The following SGCD variants were observed in gnomAD, a reference collection of about 807,000 sequenced individuals.
The protein encoded by SGCD is delta-sarcoglycan.
Under a neutral mutation model 36.6 loss-of-function variants are expected in SGCD, and 18 were observed. The observed-to-expected ratio is 0.49, with a 90% CI of 0.34 to 0.73. SGCD has a LOEUF of 0.73. Ranked by LOEUF, SGCD falls within the 30% of genes least tolerant of loss-of-function variation. The pLI, the probability that SGCD is intolerant of heterozygous loss-of-function variation, is 0.01. For synonymous variants in SGCD, 133 were observed against 130.6 expected (o/e 1.02, Z -0.12); for missense variants, 387 against 346.7 (o/e 1.12, Z -0.92).
At chr5:156,450,409 A>G (rs1753955036) in intron 3 of SGCD, among the ~76,000 whole-genome samples, 1 of 152,126 alleles carries the variant, frequency 6.6e-6, no homozygotes, top group African/African-American at 2.4e-5. Context: ...TGCCAAAGGC[A>G]GGAATTTGGT....
At chr5:156,076,140 T>A (rs568143148) in intron 1 of SGCD, among the ~76,000 whole-genome samples, 1 of 152,080 alleles carries the variant, frequency 6.6e-6, no homozygotes, top group Non-Finnish European at 1.5e-5. Context: ...TGATGAAAAC[T>A]CTTGAGAAAT....
At chr5:156,386,508 A>C (rs1771284917) in intron 3 of SGCD, among the ~76,000 whole-genome samples, 1 of 152,274 alleles carries the variant, frequency 6.6e-6, no homozygotes, top group South Asian at 2.1e-4. Context: ...CTGAGTTTGC[A>C]ACTTTTAAAA....
intron 3 of SGCD, among the ~76,000 whole-genome samples, chr5:156,130,399 A>G (rs865966319): frequency 2.6e-5 from 4 of 152,280 alleles, no homozygotes; most frequent in Middle Eastern, 3.4e-3. Flanking sequence ...TGTCATATGC[A>G]TAGTTTGCAG....
At chr5:156,741,695 C>T (rs1424012186) in intron 7 of SGCD, among the ~76,000 whole-genome samples, 1 of 152,104 alleles carries the variant, frequency 6.6e-6, no homozygotes, top group Non-Finnish European at 1.5e-5. Context: ...AGGGCTTTGC[C>T]TCGTGTCTAA....
chr5:155,888,735 C>G (rs917723279), intron 1 of SGCD, among the ~76,000 whole-genome samples: 4 of 152,192 alleles, frequency 2.6e-5, no homozygotes, highest in Non-Finnish European at 4.4e-5. Flanking sequence ...AAAGGCATCT[C>G]TTGAATGAGC....
At chr5:155,968,306 G>A (rs1447833401) in intron 1 of SGCD, among the ~76,000 whole-genome samples, 2 of 152,050 alleles carry the variant, frequency 1.3e-5, no homozygotes, top group Non-Finnish European at 2.9e-5. Context: ...TGGCACGTGG[G>A]TGCTTTTGGA....
At chr5:156,245,136 C>T (rs1161832992) in intron 3 of SGCD, among the ~76,000 whole-genome samples, 1 of 152,028 alleles carries the variant, frequency 6.6e-6, no homozygotes, top group East Asian at 1.9e-4. Flanking sequence ...TTTTAAATTA[C>T]AGAAAAAAGG....
intron 7 of SGCD, among the ~76,000 whole-genome samples, chr5:156,753,030 C>T (rs190123527): frequency 6.6e-6 from 1 of 152,254 alleles, no homozygotes; most frequent in Non-Finnish European, 1.5e-5. Context: ...AGCCGTGCTT[C>T]TCAAAGTGTG....
chr5:156,227,715 C>A (rs942553100), intron 3 of SGCD, among the ~76,000 whole-genome samples: 1 of 151,882 alleles, frequency 6.6e-6, no homozygotes, highest in Admixed American at 6.6e-5. Flanking sequence ...TTCTCTAGTT[C>A]CTTGAGGTGC....
intron 3 of SGCD, among the ~76,000 whole-genome samples, chr5:156,233,414 C>T (rs970501908): frequency 5.3e-5 from 8 of 152,186 alleles, no homozygotes; most frequent in Non-Finnish European, 1.0e-4. Context: ...CTTACTTTGA[C>T]TAAATCTGTT....
chr5:156,514,966 G>T (rs1327268266), intron 4 of SGCD, among the ~76,000 whole-genome samples: 1 of 152,152 alleles, frequency 6.6e-6, no homozygotes, highest in Non-Finnish European at 1.5e-5. Context: ...TGATAATGAT[G>T]ATGATTTTCA....
chr5:156,215,079 G>A (rs570488673), intron 3 of SGCD, among the ~76,000 whole-genome samples: 41 of 152,136 alleles, frequency 2.7e-4, no homozygotes, highest in African/African-American at 9.1e-4. Context: ...ATGCTCAAAG[G>A]AAATGCTCAT....
chr5:156,429,114 G>A (rs1297708663), intron 3 of SGCD, among the ~76,000 whole-genome samples: 4 of 151,696 alleles, frequency 2.6e-5, no homozygotes, highest in African/African-American at 9.7e-5. Context: ...GTCCCCCAGT[G>A]TTATTATGTT....
chr5:156,260,134 A>G (rs1270687148), intron 3 of SGCD, among the ~76,000 whole-genome samples: 1 of 152,182 alleles, frequency 6.6e-6, no homozygotes, highest in Non-Finnish European at 1.5e-5. Context: ...TATGAATATC[A>G]TGTGGTCTTG....
At chr5:155,910,867 T>G (rs1186894744) in intron 1 of SGCD, among the ~76,000 whole-genome samples, 1 of 152,180 alleles carries the variant, frequency 6.6e-6, no homozygotes, top group Admixed American at 6.6e-5. Flanking sequence ...AATTGCTTTA[T>G]AATCAGCTGC....
At chr5:156,296,942 A>G (rs1017100528) in intron 3 of SGCD, among the ~76,000 whole-genome samples, 1 of 151,976 alleles carries the variant, frequency 6.6e-6, no homozygotes, top group Non-Finnish European at 1.5e-5. Context: ...GCACATATAT[A>G]CACACACATA....
intron 1 of SGCD, among the ~76,000 whole-genome samples, chr5:156,061,755 A>C: frequency 6.9e-6 from 1 of 145,476 alleles, no homozygotes; most frequent in Admixed American, 6.9e-5. Flanking sequence ...ACCCAAAGGC[A>C]ACAAATATCT....
intron 3 of SGCD, among the ~76,000 whole-genome samples, chr5:156,368,467 A>G (rs72798935): frequency 0.013 from 2,046 of 152,052 alleles, 23 homozygotes; most frequent in Non-Finnish European, 0.021. Flanking sequence ...TCCAGAAGAA[A>G]CCTCTACCGT....
At chr5:156,533,452 T>C (rs779340136) in intron 4 of SGCD, among the ~76,000 whole-genome samples, 1 of 152,230 alleles carries the variant, frequency 6.6e-6, no homozygotes, top group Non-Finnish European at 1.5e-5. Flanking sequence ...TATGTTTTCA[T>C]CCAGAACCCC....
Sources: gnomAD v4.1 joint callset for allele counts (sites outside exome capture counted in the v4.1 genomes callset) on GRCh38, gnomAD v4.1.1 for gene constraint, MANE v1.5 for transcripts, NCBI Gene and HGNC (gene_info 2026-07-23, HGNC 2026-07-21) for gene names.